Variants in DYNLRB2 observed in about 807,000 individuals in gnomAD.
DYNLRB2 encodes the protein bithoraxoid-like protein.
In DYNLRB2, 14 loss-of-function variants were observed where a neutral mutation model predicts 12.6. That is an observed-to-expected ratio of 1.11 (90% CI 0.73 to 1.73). The LOEUF is 1.73. DYNLRB2 is among the 40% of genes most tolerant of loss of function. The pLI, the probability that DYNLRB2 is intolerant of heterozygous loss-of-function variation, is 0.00. For synonymous variants in DYNLRB2, 53 were observed against 37.0 expected (o/e 1.43, Z -1.57); for missense variants, 142 against 117.7 (o/e 1.21, Z -0.95).
In DYNLRB2 at chr16:80,541,060, G is replaced by A. The variant is rs533431541; in HGVS notation, c.-17G>A. On this transcript the variant is annotated 5_prime_UTR_variant, in exon 1 of 4. Coordinates refer to ENST00000305904, the MANE Select transcript of DYNLRB2 (RefSeq NM_130897.3). ...GCTGTGCCGCCGGCCTGAGCCCAGA[G>A]TTTCGCGGCCTCCGCGATGGTAAAT... The A allele has an allele frequency of 3.7e-5, 60 of 1,608,270 alleles. No individual in the cohort carries two copies. In the East Asian group the frequency reaches 3.8e-4, roughly 10 times the overall value.
chr16:80,548,797 C>G (rs892485684), intron 2 of DYNLRB2: 4 of 330,610 alleles, frequency 1.2e-5, no homozygotes, highest in African/African-American at 6.5e-5. Flanking sequence ...TGGGTGCAAA[C>G]CACGGAATGC....
chr16:80,541,369 G>A (rs1904286699), intron 1 of DYNLRB2: 5 of 984,720 alleles, frequency 5.1e-6, no homozygotes, highest in Non-Finnish European at 6.0e-6. Context: ...AGAATGCTCA[G>A]GGGAGTGAGA....
Position 80,550,230 on chromosome 16 carries a change from C to G in DYNLRB2, c.248-285C>G, listed in dbSNP as rs11866994. ...AAACTGAATAAAGTTTTTTCCTACA[C>G]CAGTGTCCTCACCCTGGCTACACAT... On this transcript the variant is annotated intron_variant, in intron 3 of 3. Transcript: ENST00000305904. Among the ~76,000 whole-genome samples, 41,374 of 152,142 alleles carry G rather than the reference C, an allele frequency of 0.27. 5,683 individuals are homozygous for G. The highest frequency in any genetic ancestry group is 0.38 in the Middle Eastern group (111 of 294).
chr16:80,544,383 A>C (rs548593614), intron 2 of DYNLRB2, among the ~76,000 whole-genome samples: 1 of 152,346 alleles, frequency 6.6e-6, no homozygotes. Context: ...CCAGCAACTC[A>C]AGGCCAAATG....
At chr16:80,540,971 C>T (rs1909287164), upstream of DYNLRB2, 1 of 1,568,952 alleles carries the variant, frequency 6.4e-7, no homozygotes, top group Non-Finnish European at 8.7e-7. Context: ...CCTGACGCTT[C>T]CGTGGGGCCA....
At chr16:80,546,840 C>G (rs1378559006) in intron 2 of DYNLRB2, among the ~76,000 whole-genome samples, 1 of 152,184 alleles carries the variant, frequency 6.6e-6, no homozygotes, top group Non-Finnish European at 1.5e-5. Context: ...GAAATACAAT[C>G]TATCAACCAA....
intron 2 of DYNLRB2, among the ~76,000 whole-genome samples, chr16:80,543,920 G>A (rs1026451820): frequency 7.2e-5 from 11 of 152,212 alleles, no homozygotes; most frequent in African/African-American, 2.7e-4. Flanking sequence ...TCCTTGTTAA[G>A]AATCCACATC....
intron 2 of DYNLRB2, chr16:80,548,971 C>G (rs1904662168): frequency 2.2e-6 from 1 of 455,808 alleles, no homozygotes; most frequent in Non-Finnish European, 4.4e-6. Flanking sequence ...TGTCACAGAG[C>G]AAGAACTTCA....
At chr16:80,540,923 A>C, upstream of DYNLRB2, 2 of 1,394,612 alleles carry the variant, frequency 1.4e-6, no homozygotes, top group South Asian at 2.5e-5. Flanking sequence ...GAGCGCGGTC[A>C]GGGCGAAAAA....
chr16:80,547,891 A>T (rs1208380130), intron 2 of DYNLRB2: 4 of 455,564 alleles, frequency 8.8e-6, no homozygotes, highest in Non-Finnish European at 1.8e-5. Flanking sequence ...TCCTGTAAAT[A>T]TTATCCTCAT....
At chr16:80,542,615 T>TAC (rs1476330446) in intron 1 of DYNLRB2, among the ~76,000 whole-genome samples, 1 of 152,174 alleles carries the variant, frequency 6.6e-6, no homozygotes, top group Non-Finnish European at 1.5e-5. Flanking sequence ...AAACATACAA[T>TAC]ACACTCTACA....
At chr16:80,540,972 C>G (rs1330786169), upstream of DYNLRB2, 1 of 1,569,158 alleles carries the variant, frequency 6.4e-7, no homozygotes, top group African/African-American at 1.4e-5. Flanking sequence ...CTGACGCTTC[C>G]GTGGGGCCAC....
At chr16:80,544,134 A>G (rs80045530) in intron 2 of DYNLRB2, among the ~76,000 whole-genome samples, 152 of 152,366 alleles carry the variant, frequency 1.0e-3, no homozygotes, top group African/African-American at 3.5e-3. Context: ...TGCCTTGGAA[A>G]AATCCATCAG....
chr16:80,548,579 G>A (rs892706865), intron 2 of DYNLRB2, among the ~76,000 whole-genome samples: 8 of 151,982 alleles, frequency 5.3e-5, no homozygotes, highest in Admixed American at 2.6e-4. Context: ...ACAATTAGCC[G>A]GGCGTGGTGG....
chr16:80,547,348 G>A (rs1237645549), intron 2 of DYNLRB2, among the ~76,000 whole-genome samples: 2 of 152,184 alleles, frequency 1.3e-5, no homozygotes, highest in Non-Finnish European at 2.9e-5. Flanking sequence ...CAGAAGGGAA[G>A]TGGGTAAATT....
At chr16:80,548,906 C>T (rs1403989855) in intron 2 of DYNLRB2, 1 of 455,984 alleles carries the variant, frequency 2.2e-6, no homozygotes, top group Non-Finnish European at 4.4e-6. Flanking sequence ...TACCCTCTAG[C>T]ATGTGCAGTG....
chr16:80,544,056 T>C (rs913712632), intron 2 of DYNLRB2, among the ~76,000 whole-genome samples: 16 of 152,208 alleles, frequency 1.1e-4, no homozygotes, highest in Middle Eastern at 3.2e-3. Flanking sequence ...AGAGCATTAG[T>C]TAAAATAAGA....
intron 2 of DYNLRB2, among the ~76,000 whole-genome samples, chr16:80,545,666 C>CTTTTTTTGTTTTTTTTTTTTTT (rs1904411207): frequency 1.3e-5 from 1 of 74,886 alleles, no homozygotes; most frequent in Non-Finnish European, 2.5e-5. Context: ...CCATTAGCTT[C>CTTTTTTTGTTTTTTTTTTTTTT]TTTTTTTTTT....
chr16:80,542,148 C>G (rs922265663), intron 1 of DYNLRB2, among the ~76,000 whole-genome samples: 2 of 152,174 alleles, frequency 1.3e-5, no homozygotes, highest in African/African-American at 4.8e-5. Context: ...TAGGCTCTCT[C>G]TTCATTTTGT....
Sources: allele counts gnomAD v4.1 joint callset (sites outside exome capture counted in the v4.1 genomes callset), GRCh38; gene constraint gnomAD v4.1.1; transcripts MANE v1.5; gene names NCBI Gene and HGNC (gene_info 2026-07-23, HGNC 2026-07-21).